The following PCDHGA1 variants were observed in gnomAD, a reference collection of about 807,000 sequenced individuals.
The protein encoded by PCDHGA1 is protocadherin gamma-A1.
In PCDHGA1, 32 loss-of-function variants were observed where a neutral mutation model predicts 58.0. That is an observed-to-expected ratio of 0.55 (90% CI 0.42 to 0.74). The LOEUF is 0.74. Ranked by LOEUF, PCDHGA1 falls within the 30% of genes least tolerant of loss-of-function variation. The pLI, the probability that PCDHGA1 is intolerant of heterozygous loss-of-function variation, is 0.00. For synonymous variants in PCDHGA1, 498 were observed against 501.1 expected (o/e 0.99, Z 0.08); for missense variants, 1,205 against 1,182.3 (o/e 1.02, Z -0.28).
intron 1 of PCDHGA1, chr5:141,366,198 C>A (rs187196267): frequency 1.2e-6 from 2 of 1,613,774 alleles, no homozygotes; most frequent in African/African-American, 2.7e-5. Flanking sequence ...GGGCTGCACA[C>A]GGGCGAGGTG....
intron 1 of PCDHGA1, chr5:141,430,664 C>G (rs2154553866): frequency 8.3e-7 from 1 of 1,209,890 alleles, no homozygotes; most frequent in East Asian, 2.6e-5. Context: ...CGGAGGAGCT[C>G]TGACTTCCCA....
At chr5:141,384,215 T>C in intron 1 of PCDHGA1, 1 of 1,613,862 alleles carries the variant, frequency 6.2e-7, no homozygotes, top group Non-Finnish European at 8.5e-7. Flanking sequence ...ACTCACATAT[T>C]CATGCAGGTG....
At chr5:141,351,370 G>A (rs762698416) in intron 1 of PCDHGA1, 5 of 1,612,716 alleles carry the variant, frequency 3.1e-6, no homozygotes, top group Non-Finnish European at 4.2e-6. Flanking sequence ...TGCGAGACAA[G>A]GATTCTGGGC....
chr5:141,392,779 T>C (rs757880986), intron 1 of PCDHGA1: 1 of 1,534,720 alleles, frequency 6.5e-7, no homozygotes, highest in African/African-American at 1.4e-5. Context: ...TTATGCACAG[T>C]GAAGATTCTG....
chr5:141,422,205 A>G (rs758255761), intron 1 of PCDHGA1: 2 of 1,562,218 alleles, frequency 1.3e-6, no homozygotes, highest in Non-Finnish European at 1.7e-6. Flanking sequence ...AAGATGGTGG[A>G]GGTCTCTTTA....
At chr5:141,413,877 G>GAC (rs751994783) in intron 1 of PCDHGA1, 1 of 1,613,386 alleles carries the variant, frequency 6.2e-7, no homozygotes. Flanking sequence ...TTGTCAGTGT[G>GAC]ACTGTCTTCG....
intron 1 of PCDHGA1, chr5:141,441,872 G>T: frequency 2.9e-6 from 1 of 341,646 alleles, no homozygotes. Flanking sequence ...GCGGAGCCTG[G>T]CTACCTGGTC....
In PCDHGA1 at chr5:141,420,282, T is replaced by C. The variant is rs543435018; in HGVS notation, c.2422-74525T>C. 2.1e-5 allele frequency: 31 copies of C among 1,510,188 alleles called. No homozygotes were observed. In the African/African-American group the frequency reaches 4.0e-4, roughly 20 times the overall value. 93.5% of individuals were successfully genotyped at this position (1,510,188 alleles called of 1,614,324 possible). On this transcript the variant is annotated intron_variant, in intron 1 of 3. Coordinates refer to ENST00000517417, the MANE Select transcript of PCDHGA1 (RefSeq NM_018912.3). ...AAGAAGATTCTTAAACAGGTAAGTA[T>C]TTAAAAATGTATTTAATCCTTTTTA...
chr5:141,415,684 A>G, intron 1 of PCDHGA1: 2 of 1,437,842 alleles, frequency 1.4e-6, no homozygotes, highest in Non-Finnish European at 1.9e-6. Flanking sequence ...TTGCGGCATG[A>G]TGGTGGAAAG....
At chr5:141,362,104 A>G (rs1762332057) in intron 1 of PCDHGA1, 1 of 1,613,874 alleles carries the variant, frequency 6.2e-7, no homozygotes, top group Non-Finnish European at 8.5e-7. Context: ...ACTCTCCGCT[A>G]CGGCCACGCT....
At chr5:141,502,880 T>TTTTTTTTTTG (rs2099816747) in intron 2 of PCDHGA1, among the ~76,000 whole-genome samples, 1 of 151,000 alleles carries the variant, frequency 6.6e-6, no homozygotes, top group African/African-American at 2.4e-5. Context: ...TTTTTTTTTT[T>TTTTTTTTTTG]GACAGGGAGT....
rs958652662 is a variant in PCDHGA1, at chr5:141,494,839, T to C, written c.2454T>C (p.Ser818=). 6.2e-7 allele frequency: 1 copy of C among 1,614,106 alleles called. No individual in the cohort carries two copies. Among genetic ancestry groups the C allele is most frequent in the Non-Finnish European group, 8.5e-7 (1 of 1,180,016 alleles). ...QAPPNTDWRF[S]QAQRPGTSGS... ...CGCCCAACACGGACTGGCGTTTCTC[T>C]CAGGCCCAGAGACCCGGCACCAGCG... The change falls in exon 2 of 4, where the codon TCT becomes TCC. Residue 818 remains serine (S), a synonymous_variant. Coordinates refer to ENST00000517417, the MANE Select transcript of PCDHGA1 (RefSeq NM_018912.3).
intron 1 of PCDHGA1, chr5:141,399,619 G>T (rs749025661): frequency 1.2e-6 from 2 of 1,613,784 alleles, no homozygotes; most frequent in Non-Finnish European, 1.7e-6. Flanking sequence ...TCTGGCACTG[G>T]CCTCTTACGT....
chr5:141,452,278 T>C (rs1047687328), intron 1 of PCDHGA1, among the ~76,000 whole-genome samples: 1 of 152,226 alleles, frequency 6.6e-6, no homozygotes, highest in African/African-American at 2.4e-5. Context: ...AACCCTTTCT[T>C]ACTTTCTGAT....
chr5:141,383,433 C>T, intron 1 of PCDHGA1: 1 of 1,613,986 alleles, frequency 6.2e-7, no homozygotes, highest in East Asian at 2.2e-5. Context: ...ATCGCCACTT[C>T]TCCCTGGCTG....
Position 141,476,966 on chromosome 5 carries a change from G to T in PCDHGA1, c.2422-17841G>T, listed in dbSNP as rs780645226. The T allele has an allele frequency of 6.2e-7, 1 of 1,614,152 alleles. No homozygotes were observed. Among genetic ancestry groups the T allele is most frequent in the Admixed American group, 1.7e-5 (1 of 60,032 alleles). On this transcript the variant is annotated intron_variant, in intron 1 of 3. Coordinates refer to ENST00000517417, the MANE Select transcript of PCDHGA1 (RefSeq NM_018912.3). The surrounding 1 kb of genome is among the most constrained non-coding windows in gnomAD (Gnocchi z 7.6). Reference sequence around the variant, plus strand: ...CAACGGTGAAATTATTTACTCCTTCGGCAGCCACAACCGCGCCGGCGTGCG... The same window carrying T: ...CAACGGTGAAATTATTTACTCCTTCTGCAGCCACAACCGCGCCGGCGTGCG...
chr5:141,494,962 T>G (rs1644946600), intron 2 of PCDHGA1, 97 bp downstream of exon 2: 4 of 1,596,756 alleles, frequency 2.5e-6, no homozygotes, highest in Non-Finnish European at 3.4e-6. Context: ...TTGCTACAGA[T>G]GGCTTCTCCC....
At chr5:141,390,969 G>A (rs1232299434) in intron 1 of PCDHGA1, 5 of 152,168 alleles carry the variant, frequency 3.3e-5, no homozygotes, top group African/African-American at 4.8e-5. Flanking sequence ...TGTAACATAG[G>A]AGTTTCAGGA....
chr5:141,371,694 T>A lies in PCDHGA1; in HGVS notation c.2421+38589T>A, dbSNP rs1409788183. 6.8e-6 allele frequency: 11 copies of A among 1,613,912 alleles called. No homozygotes were observed. The Admixed American group carries it at 1.7e-4, about 24-fold the overall frequency. ...CGACAAAGGCAATCCACCGCTCTCC[T>A]CCAGCAAGACCATCACTCTGCACAT... On this transcript the variant is annotated intron_variant, in intron 1 of 3. Coordinates refer to ENST00000517417, the MANE Select transcript of PCDHGA1 (RefSeq NM_018912.3).
Sources: allele counts gnomAD v4.1 joint callset (sites outside exome capture counted in the v4.1 genomes callset), GRCh38; gene constraint gnomAD v4.1.1; non-coding constraint Gnocchi (gnomAD v3.1); transcripts MANE v1.5; gene names NCBI Gene and HGNC (gene_info 2026-07-23, HGNC 2026-07-21).